Variants in ANO1 observed in about 807,000 individuals in gnomAD.
ANO1 encodes anoctamin-1.
A neutral mutation model predicts 124.0 loss-of-function variants in ANO1; 59 were observed. That is an observed-to-expected ratio of 0.48 (90% CI 0.39 to 0.59). The LOEUF is 0.59. ANO1 is among the 20% of genes least tolerant of loss of function. The pLI is 0.00. For missense variants in ANO1, 1,059 were observed against 1,328.0 expected (o/e 0.80, Z 3.15); for synonymous variants, 529 against 532.0 (o/e 0.99, Z 0.08).
intron 21 of ANO1, chr11:70,170,041 G>A: frequency 2.5e-6 from 1 of 406,036 alleles, no homozygotes; most frequent in South Asian, 1.8e-5. Flanking sequence ...CTCCCGGGTG[G>A]GATGATCCCC....
At chr11:70,143,929 C>T (rs575538619) in intron 11 of ANO1, among the ~76,000 whole-genome samples, 152 of 152,222 alleles carry the variant, frequency 1.0e-3, no homozygotes, top group South Asian at 1.9e-3. Context: ...TGTCTAATTC[C>T]AGAACATTTT....
At chr11:70,018,956 C>T (rs1363721355) in intron 1 of ANO1, among the ~76,000 whole-genome samples, 1 of 152,230 alleles carries the variant, frequency 6.6e-6, no homozygotes, top group Non-Finnish European at 1.5e-5. Context: ...GCCGTTCACA[C>T]ACAGTTAGAG....
chr11:70,138,347 G>GAAA (rs1172492820), intron 11 of ANO1, among the ~76,000 whole-genome samples: 9 of 43,166 alleles, frequency 2.1e-4, no homozygotes, highest in Admixed American at 9.3e-4. Flanking sequence ...TTCCATCTCA[G>GAAA]AAAAAAAAAA....
chr11:70,006,609 TTCTC>T (rs1197686307), intron 1 of ANO1, among the ~76,000 whole-genome samples: 1 of 151,410 alleles, frequency 6.6e-6, no homozygotes, highest in African/African-American at 2.4e-5. Flanking sequence ...CCTTCTTTCT[TTCTC>T]TTTCTTTCTT....
intron 1 of ANO1, among the ~76,000 whole-genome samples, chr11:70,035,296 G>A (rs1246123385): frequency 6.6e-6 from 1 of 152,190 alleles, no homozygotes; most frequent in African/African-American, 2.4e-5. Context: ...AGTGTGTTGG[G>A]AGAAGACTCA....
rs538088506 is a variant in ANO1, at chr11:70,073,103, T to A, written c.59-5439T>A. Among the ~76,000 whole-genome samples the A allele has an allele frequency of 2.6e-5, 4 of 152,292 alleles. No homozygotes were observed. The South Asian group carries it at 8.3e-4, about 32-fold the overall frequency. On this transcript the variant is annotated intron_variant, in intron 1 of 27. Coordinates refer to the ANO1 transcript ENST00000531349. ...CTGGTGAAAGGAAATTGCCAGGCAA[T>A]CTGGAACTTTTACTCTTTCAAGCCC...
At chr11:70,095,714 G>C (rs997729024) in intron 2 of ANO1, among the ~76,000 whole-genome samples, 1 of 152,226 alleles carries the variant, frequency 6.6e-6, no homozygotes, top group Non-Finnish European at 1.5e-5. Context: ...ATTGGCAGAT[G>C]CTGCAAATCA....
intron 22 of ANO1, among the ~76,000 whole-genome samples, chr11:70,178,772 G>A (rs56057281): frequency 0.099 from 15,005 of 152,252 alleles, 823 homozygotes; most frequent in Middle Eastern, 0.2. Context: ...CCATATTGGC[G>A]AGGCTGCTCT....
chr11:70,060,145 G>A (rs976373273), intron 1 of ANO1, among the ~76,000 whole-genome samples: 2 of 151,986 alleles, frequency 1.3e-5, no homozygotes, highest in East Asian at 3.9e-4. Flanking sequence ...AGCCTCTTTC[G>A]GCCCAGATGG....
chr11:70,103,027 C>T (rs1555020830), intron 2 of ANO1, 39 bp from the exon 3 acceptor site: 1 of 1,377,640 alleles, frequency 7.3e-7, no homozygotes, highest in Non-Finnish European at 9.8e-7. Context: ...CAGAGATGCA[C>T]CGCCCCCCCT....
intron 1 of ANO1, among the ~76,000 whole-genome samples, chr11:70,039,846 C>T (rs1339248480): frequency 6.6e-6 from 1 of 152,202 alleles, no homozygotes; most frequent in Non-Finnish European, 1.5e-5. Context: ...AGCTTTTCAG[C>T]TCTTTCCTCT....
chr11:70,151,035 C>T (rs942889139), intron 12 of ANO1, among the ~76,000 whole-genome samples: 6 of 152,204 alleles, frequency 3.9e-5, no homozygotes, highest in African/African-American at 1.4e-4. Context: ...ATAAGACGGG[C>T]CTCTGGGGCC....
chr11:70,095,407 AAAGAAAG>A (rs1221616712), intron 2 of ANO1, among the ~76,000 whole-genome samples: 1 of 49,698 alleles, frequency 2.0e-5, no homozygotes, highest in Non-Finnish European at 5.6e-5. Context: ...AGAAAGAAAG[AAAGAAAG>A]AAAGAAAGAA....
chr11:69,970,696 G>C, the ANO1 span, among the ~76,000 whole-genome samples: 1 of 152,194 alleles, frequency 6.6e-6, no homozygotes. Flanking sequence ...GCAGTGAGAG[G>C]CAGAAATGCC....
chr11:69,989,656 C>A (rs1187034178), intron 1 of ANO1, among the ~76,000 whole-genome samples: 5 of 152,260 alleles, frequency 3.3e-5, no homozygotes, highest in Non-Finnish European at 5.9e-5. Context: ...GGGACCTGAG[C>A]TGACTTGGGT....
rs773625195 is a variant in ANO1, at chr11:70,152,431, C to T, written c.1342-19C>T. Reference sequence around the variant, plus strand: ...TGACATCTTTGTGTTTTTGTTTTTACTTTTCTGGTTCCCTGAAGGAGGCTG... The same window carrying T: ...TGACATCTTTGTGTTTTTGTTTTTATTTTTCTGGTTCCCTGAAGGAGGCTG... On this transcript the variant is annotated intron_variant, in intron 12 of 25. Coordinates refer to ENST00000355303, the MANE Select transcript of ANO1 (RefSeq NM_018043.7). 6.3e-7 allele frequency: 1 copy of T among 1,579,624 alleles called. No homozygotes were observed.
intron 1 of ANO1, among the ~76,000 whole-genome samples, chr11:70,002,133 G>A (rs1856393352): frequency 6.6e-6 from 1 of 152,032 alleles, no homozygotes; most frequent in Admixed American, 6.5e-5. Flanking sequence ...TATTTTTAAT[G>A]TACCTTTTCT....
chr11:70,074,144 G>A (rs77700950), upstream of ANO1, among the ~76,000 whole-genome samples: 1,625 of 152,270 alleles, frequency 0.011, 91 homozygotes, highest in East Asian at 0.14. Context: ...CGGGCAGCAC[G>A]GGGCTGGTGT....
At chr11:70,007,284 T>TTTTC (rs1555000252) in intron 1 of ANO1, among the ~76,000 whole-genome samples, 1 of 150,178 alleles carries the variant, frequency 6.7e-6, no homozygotes, top group Non-Finnish European at 1.5e-5. Context: ...TTTTTTTTTT[T>TTTTC]TTTTTTTCTT....
Sources: allele counts gnomAD v4.1 joint callset (sites outside exome capture counted in the v4.1 genomes callset), GRCh38; gene constraint gnomAD v4.1.1; transcripts MANE v1.5; gene names NCBI Gene and HGNC (gene_info 2026-07-23, HGNC 2026-07-21).